The following PHF2 variants were observed in gnomAD, a reference collection of about 807,000 sequenced individuals.
PHF2 encodes PHD finger protein 2.
A neutral mutation model predicts 120.5 loss-of-function variants in PHF2; 27 were observed. The ratio of observed to expected loss-of-function variants is 0.22; its 90% CI spans 0.17 to 0.31. The LOEUF (loss-of-function observed/expected upper bound fraction) is 0.31. PHF2 is among the 10% of genes least tolerant of loss of function. PHF2 has a pLI of 1.00. For synonymous variants in PHF2, 568 were observed against 592.5 expected, an observed-to-expected ratio of 0.96 and a Z score of 0.60; for missense variants, 1,024 against 1,434.8, an observed-to-expected ratio of 0.71 and a Z score of 4.63.
chr9:93,604,498 T>C (rs1336148234), intron 1 of PHF2, among the ~76,000 whole-genome samples: 1 of 151,358 alleles, frequency 6.6e-6, no homozygotes, highest in Non-Finnish European at 1.5e-5. Context: ...AGAGTCTCGC[T>C]CTGTCGCCCA....
intron 7 of PHF2, among the ~76,000 whole-genome samples, chr9:93,655,643 G>A (rs1826445790): frequency 6.6e-6 from 1 of 152,248 alleles, no homozygotes; most frequent in Admixed American, 6.5e-5. Context: ...CCCTGTCTGT[G>A]CAGGGCTGGA....
intron 17 of PHF2, chr9:93,671,243 C>T (rs1587721057): frequency 3.2e-6 from 3 of 932,332 alleles, no homozygotes; most frequent in Non-Finnish European, 3.8e-6. Context: ...GGAGTAGGCA[C>T]AGGTGTAGAT....
chr9:93,670,117 G>A (rs1826755345), intron 17 of PHF2, among the ~76,000 whole-genome samples: 1 of 152,216 alleles, frequency 6.6e-6, no homozygotes, highest in South Asian at 2.1e-4. Context: ...TGGTGGAGAG[G>A]GGATGGGCAG....
At chr9:93,675,556 T>A (rs1366711041) in intron 19 of PHF2, 124 bp from the exon 20 acceptor site, 2 of 710,620 alleles carry the variant, frequency 2.8e-6, no homozygotes, top group Non-Finnish European at 4.8e-6. Context: ...CAGCCAGGAA[T>A]CCCTGTGCTT....
At chr9:93,604,222 G>A (rs2131619521) in intron 1 of PHF2, among the ~76,000 whole-genome samples, 2 of 152,294 alleles carry the variant, frequency 1.3e-5, no homozygotes, top group South Asian at 4.1e-4. Flanking sequence ...TAGTGCAGGT[G>A]CCGGGGACCG....
At chr9:93,607,553 G>A (rs2265300) in intron 1 of PHF2, among the ~76,000 whole-genome samples, 46,905 of 150,490 alleles carry the variant, frequency 0.31, 8,063 homozygotes, top group South Asian at 0.6. Flanking sequence ...AAAATGTTGG[G>A]ATTACAGGTG....
At position 93,579,246 on chromosome 9, in the gene PHF2, G is replaced by A. The variant is rs375755507; in HGVS notation, c.98+2375G>A. ...CCCCGGTGGTTCTTTCCTGATCTTC[G>A]TACCGCCTGTACTGTGATTTACTTC... On this transcript the variant is annotated intron_variant, in intron 1 of 21. Coordinates refer to ENST00000359246, the MANE Select transcript of PHF2 (RefSeq NM_005392.4). Among the ~76,000 whole-genome samples, 8 of 152,240 alleles carry A rather than the reference G, an allele frequency of 5.3e-5. No individual in the cohort carries two copies. In the East Asian group the frequency reaches 1.2e-3, roughly 22 times the overall value.
chr9:93,675,121 T>C, intron 19 of PHF2, 99 bp downstream of exon 19: 1 of 937,662 alleles, frequency 1.1e-6, no homozygotes, highest in Non-Finnish European at 1.7e-6. Flanking sequence ...TGGGCTCAGC[T>C]CTGCACCTGT....
Position 93,665,707 on chromosome 9 carries a change from G to A in PHF2, c.1959G>A (p.Pro653=), listed in dbSNP as rs187561546. ...KLLGSKALRP[P]TSPGVFGALQ... ...CTAGCTCCAAGGCTCTCAGGCCCCC[G>A]ACGAGCCCTGGTGTGTTCGGGGCCT... The change falls in exon 15 of 22, where the codon CCG becomes CCA. Residue 653 remains proline, a synonymous_variant. Coordinates refer to ENST00000359246, the MANE Select transcript of PHF2 (RefSeq NM_005392.4). The A allele has an allele frequency of 4.3e-6, 7 of 1,613,840 alleles. No homozygotes were observed. The African/African-American group carries it at 5.3e-5, about 12-fold the overall frequency.
intron 1 of PHF2, among the ~76,000 whole-genome samples, chr9:93,616,934 G>A (rs1266472234): frequency 6.6e-6 from 1 of 152,122 alleles, no homozygotes; most frequent in Non-Finnish European, 1.5e-5. Flanking sequence ...GGGATTACAG[G>A]TATGAGCCAC....
At chr9:93,606,999 G>T (rs1388707558) in intron 1 of PHF2, among the ~76,000 whole-genome samples, 3 of 152,090 alleles carry the variant, frequency 2.0e-5, no homozygotes, top group African/African-American at 7.2e-5. Flanking sequence ...TCTAAGATTG[G>T]TTGACTGTAT....
intron 17 of PHF2, among the ~76,000 whole-genome samples, chr9:93,668,372 T>A (rs1826720567): frequency 6.6e-6 from 1 of 152,114 alleles, no homozygotes. Context: ...TTCACACAGC[T>A]CTTTGGGGGA....
At chr9:93,593,084 CAAAAA>C (rs200919035) in intron 1 of PHF2, among the ~76,000 whole-genome samples, 1,964 of 83,408 alleles carry the variant, frequency 0.024, 67 homozygotes, top group Middle Eastern at 0.053. Flanking sequence ...TCCTTTATGC[CAAAAA>C]AAAAAAAAAA....
At position 93,677,290 on chromosome 9, in the gene PHF2, A is replaced by T. The variant is rs1826936066; in HGVS notation, c.3203-298A>T. Among the ~76,000 whole-genome samples the T allele has an allele frequency of 6.6e-6, 1 of 151,512 alleles. No individual in the cohort carries two copies. The highest frequency in any genetic ancestry group is 2.1e-4 in the South Asian group (1 of 4,740). ...GCTGGCAGTGGCTCCTGGCCTTGTT[A>T]CTGGGGGTGGTGCCCAGGCATCCTC... On this transcript the variant is annotated intron_variant, in intron 21 of 21. Coordinates refer to ENST00000359246, the MANE Select transcript of PHF2 (RefSeq NM_005392.4). This position sits in a 1 kb window ranked among gnomAD's most constrained non-coding sequence, Gnocchi z 4.4.
At chr9:93,603,933 C>T (rs1825491159) in intron 1 of PHF2, among the ~76,000 whole-genome samples, 1 of 152,232 alleles carries the variant, frequency 6.6e-6, no homozygotes, top group Admixed American at 6.5e-5. Context: ...GCTTGGCCAC[C>T]TCCAGATCCC....
At chr9:93,579,778 A>G (rs905389988) in intron 1 of PHF2, among the ~76,000 whole-genome samples, 11 of 152,180 alleles carry the variant, frequency 7.2e-5, no homozygotes, top group Non-Finnish European at 1.0e-4. Flanking sequence ...TCTCTAAGTC[A>G]TCAGCTACAG....
At chr9:93,644,833 T>C (rs983751513) in intron 3 of PHF2, among the ~76,000 whole-genome samples, 5 of 152,116 alleles carry the variant, frequency 3.3e-5, no homozygotes, top group Admixed American at 3.3e-4. Flanking sequence ...GGAGGATTCC[T>C]AGGGTGTGTA....
intron 1 of PHF2, among the ~76,000 whole-genome samples, chr9:93,581,387 C>T (rs997197205): frequency 6.6e-6 from 1 of 152,136 alleles, no homozygotes; most frequent in Non-Finnish European, 1.5e-5. Flanking sequence ...ACAGTTAAAT[C>T]CTAGAACCTC....
intron 1 of PHF2, among the ~76,000 whole-genome samples, chr9:93,589,725 AGT>A (rs1863133518): frequency 6.6e-6 from 1 of 152,186 alleles, no homozygotes. Context: ...TTTTAAAAAG[AGT>A]GAGAATTCGA....
Sources: gnomAD v4.1 joint callset for allele counts (sites outside exome capture counted in the v4.1 genomes callset) on GRCh38, gnomAD v4.1.1 for gene constraint, Gnocchi (gnomAD v3.1) non-coding constraint, MANE v1.5 for transcripts, NCBI Gene and HGNC (gene_info 2026-07-23, HGNC 2026-07-21) for gene names.